TMEM244: variants seen among roughly 807,000 people sequenced by gnomAD.
TMEM244 encodes putative transmembrane protein 244.
In TMEM244, 13 loss-of-function variants were observed where a neutral mutation model predicts 15.8. That is an observed-to-expected ratio of 0.82 (90% confidence interval 0.53 to 1.30). The LOEUF (loss-of-function observed/expected upper bound fraction) is 1.30, where lower values mean the gene tolerates loss of function less well. Among genes scored for constraint, TMEM244 ranks in the 50% most tolerant of loss-of-function variants. The pLI is 0.00. For missense variants in TMEM244, 161 were observed against 144.9 expected, an observed-to-expected ratio of 1.11 and a Z score of -0.57; for synonymous variants, 45 against 48.7, an observed-to-expected ratio of 0.92 and a Z score of 0.32.
intron 4 of TMEM244, 87 bp downstream of exon 4, chr6:129,833,373 G>T: frequency 3.6e-6 from 5 of 1,405,026 alleles, no homozygotes; most frequent in Non-Finnish European, 4.8e-6. Context: ...AGAATATGCA[G>T]ACAACAAAGT....
chr6:129,838,328 A>C (rs9388742), intron 3 of TMEM244, among the ~76,000 whole-genome samples: 22,554 of 152,278 alleles, frequency 0.15, 1,828 homozygotes, highest in South Asian at 0.24. Context: ...CCTGCTCCTG[A>C]ATGACTACTG....
intron 3 of TMEM244, among the ~76,000 whole-genome samples, chr6:129,837,789 A>C (rs1004735001): frequency 6.6e-6 from 1 of 152,226 alleles, no homozygotes; most frequent in Non-Finnish European, 1.5e-5. Flanking sequence ...CTGATACAAC[A>C]GACTTTAAAC....
intron 1 of TMEM244, among the ~76,000 whole-genome samples, chr6:129,856,599 G>A (rs907530298): frequency 6.6e-6 from 1 of 152,006 alleles, no homozygotes; most frequent in African/African-American, 2.4e-5. Context: ...ATGTTCAAAT[G>A]TATAAACTTG....
chr6:129,861,086 A>T, intron 1 of TMEM244, 70 bp downstream of exon 1: 5 of 1,559,032 alleles, frequency 3.2e-6, no homozygotes, highest in Non-Finnish European at 4.4e-6. Context: ...GGCCATTTAT[A>T]GAACATATTC....
chr6:129,837,098 G>C (rs116390727), intron 3 of TMEM244, among the ~76,000 whole-genome samples: 1 of 152,146 alleles, frequency 6.6e-6, no homozygotes, highest in African/African-American at 2.4e-5. Context: ...TCTTCGAGAA[G>C]AGCAATTCGA....
At chr6:129,849,036 G>T (rs1015663925) in intron 1 of TMEM244, among the ~76,000 whole-genome samples, 3 of 151,946 alleles carry the variant, frequency 2.0e-5, no homozygotes, top group Non-Finnish European at 4.4e-5. Context: ...CATGAGGATT[G>T]TACTACAAAC....
chr6:129,857,902 G>C (rs1776739975), intron 1 of TMEM244, among the ~76,000 whole-genome samples: 1 of 151,092 alleles, frequency 6.6e-6, no homozygotes, highest in Admixed American at 6.6e-5. Flanking sequence ...ATTTTATTCA[G>C]TATTTTAAAT....
At chr6:129,833,251 G>A (rs909676455) in intron 4 of TMEM244, among the ~76,000 whole-genome samples, 2 of 151,990 alleles carry the variant, frequency 1.3e-5, no homozygotes, top group East Asian at 1.9e-4. Flanking sequence ...AAAATAAAAC[G>A]CTTTTAAAAA....
chr6:129,856,613 A>T (rs1192101088), intron 1 of TMEM244, among the ~76,000 whole-genome samples: 3 of 152,150 alleles, frequency 2.0e-5, no homozygotes, highest in Non-Finnish European at 2.9e-5. Context: ...AAACTTGTAA[A>T]TATTAAATAA....
At chr6:129,858,496 T>G (rs910909661) in intron 1 of TMEM244, among the ~76,000 whole-genome samples, 3 of 152,194 alleles carry the variant, frequency 2.0e-5, no homozygotes, top group African/African-American at 7.2e-5. Flanking sequence ...ATATATCATC[T>G]TCTCACTCCA....
intron 2 of TMEM244, among the ~76,000 whole-genome samples, chr6:129,844,608 TA>T (rs746635816): frequency 6.6e-6 from 1 of 152,340 alleles, no homozygotes; most frequent in East Asian, 1.9e-4. Flanking sequence ...CCTGAAGCTT[TA>T]AGGTCTAATT....
intron 1 of TMEM244, among the ~76,000 whole-genome samples, chr6:129,848,794 T>C (rs1240676785): frequency 6.6e-6 from 1 of 152,206 alleles, no homozygotes; most frequent in Non-Finnish European, 1.5e-5. Context: ...CTTCCTACCA[T>C]GTATTGAAAT....
intron 3 of TMEM244, among the ~76,000 whole-genome samples, chr6:129,835,169 G>T (rs2114632814): frequency 6.6e-6 from 1 of 152,222 alleles, no homozygotes; most frequent in South Asian, 2.1e-4. Flanking sequence ...GCCGAGGTGG[G>T]AGCATCACTT....
At chr6:129,858,006 G>T (rs1225040233) in intron 1 of TMEM244, among the ~76,000 whole-genome samples, 1 of 151,906 alleles carries the variant, frequency 6.6e-6, no homozygotes, top group Non-Finnish European at 1.5e-5. Context: ...TTTCTGCTTA[G>T]ATATATGAAC....
At chr6:129,834,368 C>G (rs17058039) in intron 3 of TMEM244, among the ~76,000 whole-genome samples, 10,375 of 152,204 alleles carry the variant, frequency 0.068, 518 homozygotes, top group South Asian at 0.21. Flanking sequence ...ATGTGATATA[C>G]CACCAAGGTC....
chr6:129,838,805 G>A (rs974062549), intron 3 of TMEM244, among the ~76,000 whole-genome samples: 5 of 152,052 alleles, frequency 3.3e-5, no homozygotes, highest in Admixed American at 1.3e-4. Context: ...AAACACCTCT[G>A]TGCAAATAAA....
intron 1 of TMEM244, among the ~76,000 whole-genome samples, chr6:129,857,317 TACACACACAC>T (rs139849085): frequency 3.4e-5 from 5 of 148,638 alleles, no homozygotes. Flanking sequence ...TATGTGTGTA[TACACACACAC>T]ACACACACAC....
At chr6:129,841,043 A>G (rs1038593935) in intron 3 of TMEM244, among the ~76,000 whole-genome samples, 1 of 152,182 alleles carries the variant, frequency 6.6e-6, no homozygotes, top group African/African-American at 2.4e-5. Context: ...AGAACTAGAA[A>G]TACCATTTGA....
intron 1 of TMEM244, among the ~76,000 whole-genome samples, chr6:129,853,630 C>A (rs1776664920): frequency 6.6e-6 from 1 of 152,062 alleles, no homozygotes; most frequent in African/African-American, 2.4e-5. Flanking sequence ...TATTTTGATA[C>A]CAGCCTTCCT....
Sources: gnomAD v4.1 joint callset for allele counts (sites outside exome capture counted in the v4.1 genomes callset) on GRCh38, gnomAD v4.1.1 for gene constraint, MANE v1.5 for transcripts, NCBI Gene and HGNC (gene_info 2026-07-23, HGNC 2026-07-21) for gene names.